Variants in PSTPIP1 observed in about 807,000 individuals in gnomAD.
PSTPIP1 encodes proline-serine-threonine phosphatase-interacting protein 1.
Under a neutral mutation model 69.6 loss-of-function variants are expected in PSTPIP1, and 66 were observed. That is an observed-to-expected ratio of 0.95 (90% CI 0.78 to 1.16). PSTPIP1 has a LOEUF of 1.16. Among genes scored for constraint, PSTPIP1 ranks in the 50% most tolerant of loss-of-function variants. PSTPIP1 has a pLI of 0.00. For synonymous variants in PSTPIP1, 266 were observed against 222.7 expected (o/e 1.19, Z -1.73); for missense variants, 603 against 557.4 (o/e 1.08, Z -0.82).
At chr15:77,011,106 C>T (rs1214888670) in intron 1 of PSTPIP1, among the ~76,000 whole-genome samples, 7 of 152,208 alleles carry the variant, frequency 4.6e-5, no homozygotes, top group Non-Finnish European at 1.0e-4. Context: ...AAGAACAAAG[C>T]TTTCAAGCCA....
intron 5 of PSTPIP1, chr15:77,026,201 G>C (rs1386066079): frequency 2.2e-6 from 1 of 455,910 alleles, no homozygotes; most frequent in Non-Finnish European, 4.4e-6. Flanking sequence ...GCAGATGCTT[G>C]TCAGGGAGGC....
chr15:77,029,029 G>C (rs2076353103), intron 7 of PSTPIP1, among the ~76,000 whole-genome samples: 1 of 152,262 alleles, frequency 6.6e-6, no homozygotes. Flanking sequence ...TAAGGTCTCA[G>C]AGCCAGGAAG....
chr15:77,008,800 C>G (rs948286933), intron 1 of PSTPIP1, among the ~76,000 whole-genome samples: 1 of 152,172 alleles, frequency 6.6e-6, no homozygotes, highest in African/African-American at 2.4e-5. Context: ...TCACACAGCC[C>G]CCAGGCCTGG....
At position 77,027,765 on chromosome 15, in the gene PSTPIP1, C is replaced by A; in HGVS notation, c.355-87C>A. ...CTCCAGAGCCAGGAGAGGTGCTGCG[C>A]CTCATCCCAGGGACACTCCGTCCTC... On this transcript the variant is annotated intron_variant, in intron 5 of 14. Transcript: ENST00000558012. This position sits in a 1 kb window ranked among gnomAD's most constrained non-coding sequence, Gnocchi z 4.3. The A allele has an allele frequency of 1.4e-6, 2 of 1,480,964 alleles. No homozygotes were observed. The highest frequency in any genetic ancestry group is 1.8e-6 in the Non-Finnish European group (2 of 1,085,734). 91.7% of individuals were successfully genotyped at this position (1,480,964 alleles called of 1,614,324 possible).
chr15:77,004,284 G>C (rs1329560140), intron 1 of PSTPIP1, among the ~76,000 whole-genome samples: 1 of 152,228 alleles, frequency 6.6e-6, no homozygotes, highest in Non-Finnish European at 1.5e-5. Context: ...CTGAGCAATG[G>C]GTGATGGAAC....
chr15:77,036,931 C>T (rs776473297), intron 14 of PSTPIP1, 114 bp from the exon 15 acceptor site: 9 of 1,433,714 alleles, frequency 6.3e-6, no homozygotes, highest in Non-Finnish European at 7.6e-6. Flanking sequence ...CTGCCCCTGC[C>T]CACCCTGGGA....
At position 77,018,481 on chromosome 15, in the gene PSTPIP1, G is replaced by T; in HGVS notation, c.162G>T (p.Gly54=). Reference sequence around the variant, plus strand: ...GGGCCCAGGCGGAGGAGCGGTACGGGAAGGAGCTGGTGCAGATCGCACGGA... The same window carrying T: ...GGGCCCAGGCGGAGGAGCGGTACGGTAAGGAGCTGGTGCAGATCGCACGGA... The part of the protein sequence containing the change: ...RQRAQAEERY[G]KELVQIARKA... The change falls in exon 3 of 15, where the codon GGG becomes GGT. Residue 54 remains glycine (G), a synonymous_variant. Transcript: ENST00000558012. The T allele has an allele frequency of 6.3e-7, 1 of 1,584,772 alleles. No homozygotes were observed. Among genetic ancestry groups the T allele is most frequent in the Admixed American group, 1.8e-5 (1 of 55,332 alleles).
intron 1 of PSTPIP1, among the ~76,000 whole-genome samples, chr15:77,002,287 TAG>T (rs1040709049): frequency 1.3e-5 from 2 of 152,244 alleles, no homozygotes; most frequent in African/African-American, 4.8e-5. Context: ...CCCTGAATTC[TAG>T]AGAGTTTGTT....
At chr15:77,006,136 G>GT (rs374629699) in intron 1 of PSTPIP1, among the ~76,000 whole-genome samples, 2,646 of 149,006 alleles carry the variant, frequency 0.018, 74 homozygotes, top group African/African-American at 0.06. Flanking sequence ...GTTAATTTCT[G>GT]TTTTTTTTTT....
chr15:77,014,155 C>T (rs775550898), intron 1 of PSTPIP1, among the ~76,000 whole-genome samples: 8 of 152,170 alleles, frequency 5.3e-5, no homozygotes, highest in Non-Finnish European at 1.0e-4. Flanking sequence ...TATATCCCAG[C>T]TGCACCCGGC....
chr15:77,011,535 CAA>C (rs1240392822), intron 1 of PSTPIP1, among the ~76,000 whole-genome samples: 1 of 152,252 alleles, frequency 6.6e-6, no homozygotes, highest in African/African-American at 2.4e-5. Context: ...CCCAGGTGAA[CAA>C]AGAGTCGCTC....
At chr15:77,030,239 C>T (rs559236782) in intron 8 of PSTPIP1, among the ~76,000 whole-genome samples, 1 of 152,238 alleles carries the variant, frequency 6.6e-6, no homozygotes, top group African/African-American at 2.4e-5. Flanking sequence ...CCCAGAGATG[C>T]CCAGAGGCCA....
intron 1 of PSTPIP1, among the ~76,000 whole-genome samples, chr15:76,996,789 A>G (rs758401072): frequency 2.0e-5 from 3 of 152,330 alleles, no homozygotes; most frequent in African/African-American, 2.4e-5. Flanking sequence ...AGAGAAGCCA[A>G]TGGAGGCAGA....
intron 10 of PSTPIP1, among the ~76,000 whole-genome samples, chr15:77,031,915 CT>C: frequency 6.6e-6 from 1 of 152,328 alleles, no homozygotes; most frequent in South Asian, 2.1e-4. Context: ...CTCGAGCCCC[CT>C]GCTGCCTCCT....
At chr15:77,024,726 TTCCCTCCCTCCCTCCC>T (rs67239232) in intron 3 of PSTPIP1, among the ~76,000 whole-genome samples, 3 of 143,420 alleles carry the variant, frequency 2.1e-5, no homozygotes, top group East Asian at 2.1e-4. Context: ...TGCTGGGCCC[TTCCCTCCCTCCCTCCC>T]TCCCTCCCTC....
chr15:77,025,822 C>A (rs191661373), intron 5 of PSTPIP1, among the ~76,000 whole-genome samples: 149 of 152,248 alleles, frequency 9.8e-4, no homozygotes, highest in African/African-American at 3.5e-3. Context: ...AGTCCCAGAG[C>A]CCCATGGAAG....
At chr15:77,032,466 C>G in intron 11 of PSTPIP1, 72 bp downstream of exon 11, 4 of 1,517,186 alleles carry the variant, frequency 2.6e-6, no homozygotes, top group Non-Finnish European at 2.7e-6. Context: ...CCCTGAGCCT[C>G]AAGTGCCAGG....
intron 10 of PSTPIP1, among the ~76,000 whole-genome samples, chr15:77,032,020 A>T (rs1282900772): frequency 1.3e-5 from 2 of 151,910 alleles, no homozygotes; most frequent in African/African-American, 4.8e-5. Flanking sequence ...TGGGCAAGTC[A>T]CTCTCCTCTG....
At chr15:77,009,990 C>T (rs954724090) in intron 1 of PSTPIP1, among the ~76,000 whole-genome samples, 2 of 152,302 alleles carry the variant, frequency 1.3e-5, no homozygotes, top group African/African-American at 2.4e-5. Flanking sequence ...AGGAGCCGTG[C>T]TCTTCCTGTG....
Sources: gnomAD v4.1 joint callset for allele counts (sites outside exome capture counted in the v4.1 genomes callset) on GRCh38, gnomAD v4.1.1 for gene constraint, Gnocchi (gnomAD v3.1) non-coding constraint, MANE v1.5 for transcripts, NCBI Gene and HGNC (gene_info 2026-07-23, HGNC 2026-07-21) for gene names.